HUWE1: variants seen among roughly 807,000 people sequenced by gnomAD.
HUWE1 encodes E3 ubiquitin-protein ligase HUWE1.
Under a neutral mutation model 299.4 loss-of-function variants are expected in HUWE1, and 18 were observed. The ratio of observed to expected loss-of-function variants is 0.06; its 90% confidence interval spans 0.04 to 0.09. The LOEUF is 0.09. Ranked by LOEUF, HUWE1 falls within the 10% of genes least tolerant of loss-of-function variation. The pLI, the probability that HUWE1 is intolerant of heterozygous loss-of-function variation, is 1.00. For synonymous variants in HUWE1, 1,317 were observed against 1,286.1 expected, an observed-to-expected ratio of 1.02 and a Z score of -0.51; for missense variants, 1,832 against 3,462.3, an observed-to-expected ratio of 0.53 and a Z score of 11.82.
At chrX:53,650,111 T>C (rs1156696686) in intron 4 of HUWE1, among the ~76,000 whole-genome samples, 2 of 112,226 alleles carry the variant, frequency 1.8e-5, no homozygotes, top group Non-Finnish European at 3.8e-5. Flanking sequence ...CCTGGACCTT[T>C]TGCAGAGTCT....
At chrX:53,574,840 A>C (rs1331093142) in intron 46 of HUWE1, among the ~76,000 whole-genome samples, 1 of 112,108 alleles carries the variant, frequency 8.9e-6, no homozygotes, top group African/African-American at 3.3e-5. Context: ...AGCTAGAACA[A>C]TATCACTGGC....
At chrX:53,660,927 CTGAAG>C (rs2068967337) in intron 3 of HUWE1, among the ~76,000 whole-genome samples, 1 of 111,120 alleles carries the variant, frequency 9.0e-6, no homozygotes, top group Non-Finnish European at 1.9e-5. Flanking sequence ...AGATAGAAAA[CTGAAG>C]TAAGAGAGAA....
At chrX:53,600,362 T>C in intron 28 of HUWE1, 53 bp from the exon 29 acceptor site, 1 of 925,884 alleles carries the variant, frequency 1.1e-6, no homozygotes, top group South Asian at 2.2e-5. Context: ...AACATTTACC[T>C]GGTTCCTTGA....
intron 12 of HUWE1, among the ~76,000 whole-genome samples, chrX:53,630,063 ATG>A (rs1398133590): frequency 1.8e-5 from 2 of 112,509 alleles, no homozygotes; most frequent in Middle Eastern, 4.6e-3. Context: ...AAACTTCAGA[ATG>A]TGTGTAATTC....
intron 3 of HUWE1, among the ~76,000 whole-genome samples, chrX:53,671,755 C>A (rs886786666): frequency 6.4e-5 from 6 of 93,680 alleles, no homozygotes; most frequent in Non-Finnish European, 1.0e-4. Context: ...GATCGCGCCA[C>A]TGCACTCCGA....
intron 7 of HUWE1, among the ~76,000 whole-genome samples, chrX:53,637,008 T>G (rs1211325924): frequency 8.9e-6 from 1 of 112,483 alleles, no homozygotes; most frequent in Non-Finnish European, 1.9e-5. Flanking sequence ...CAGTTATACT[T>G]TCTTTCAATG....
At chrX:53,554,361 GT>G (rs2061905004) in intron 61 of HUWE1, among the ~76,000 whole-genome samples, 1 of 110,344 alleles carries the variant, frequency 9.1e-6, no homozygotes, top group South Asian at 3.9e-4. Flanking sequence ...CTGGAGAGTT[GT>G]TTTTAAATAA....
intron 3 of HUWE1, among the ~76,000 whole-genome samples, chrX:53,664,285 A>T (rs2069146449): frequency 8.9e-6 from 1 of 111,876 alleles, no homozygotes; most frequent in Non-Finnish European, 1.9e-5. Flanking sequence ...GTCCTGAGTT[A>T]AAACAATCCT....
At chrX:53,686,211 C>G (rs1557055599) in intron 2 of HUWE1, 59 bp downstream of exon 2, 1 of 113,207 alleles carries the variant, frequency 8.8e-6, no homozygotes, top group African/African-American at 3.2e-5. Context: ...GTGAGAAACG[C>G]TGAAGGCCCG....
At chrX:53,622,356 C>T (rs7050980) in intron 19 of HUWE1, among the ~76,000 whole-genome samples, 13,032 of 111,392 alleles carry the variant, frequency 0.12, 1,896 homozygotes, top group African/African-American at 0.41. Flanking sequence ...TTCCCTTCTA[C>T]CCATACAAGC....
At chrX:53,647,341 G>A (rs1557036710) in intron 6 of HUWE1, 27 bp downstream of exon 6, 12 of 1,062,871 alleles carry the variant, frequency 1.1e-5, no homozygotes, top group Non-Finnish European at 2.6e-6. Flanking sequence ...GTCAAGAACA[G>A]GGTACACAGG....
rs1249480724 is a variant in HUWE1 at position 53,549,080 on chromosome X, C to T, written c.9914G>A (p.Arg3305His). 3 of 1,209,975 alleles carry T rather than the reference C, an allele frequency of 2.5e-6. No homozygotes were observed. Among genetic ancestry groups the T allele is most frequent in the Non-Finnish European group, 3.4e-6 (3 of 895,021 alleles). Residue 3305 changes from arginine to histidine, a missense_variant, in exon 67 of 84, where the codon CGT becomes CAT. Physicochemically the swap from Arg to His is conservative, Grantham distance 29. Transcript: ENST00000262854. The part of the protein sequence containing the change: ...GCRTNIFQIQ[R>H]SGGRKHTEKH... ...CTCGGTATGTTTACGCCCCCCTGAA[C>T]GCTGGATCTGAAATATATTAGTCCT...
In HUWE1 at chrX:53,547,760, G is replaced by A; in HGVS notation, c.10549C>T (p.Leu3517=). The change falls in exon 68 of 84, where the codon CTG becomes TTG. Residue 3517 remains leucine (L), a synonymous_variant. Transcript: ENST00000262854. ...APTPVTSAPA[L]VAATAISTIV... is the part of the protein sequence containing the mutation. Reference sequence around the variant, plus strand: ...GTGGAAATAGCCGTGGCAGCAACCAGGGCTGGAGCAGAAGTGACAGGGGTG... The same window carrying A: ...GTGGAAATAGCCGTGGCAGCAACCAAGGCTGGAGCAGAAGTGACAGGGGTG... 8.3e-7 allele frequency: 1 copy of A among 1,204,587 alleles called. No homozygotes were observed. Among genetic ancestry groups the A allele is most frequent in the Non-Finnish European group, 1.1e-6 (1 of 891,067 alleles).
chrX:53,647,625 TGGG>T, intron 5 of HUWE1, 51 bp from the exon 6 acceptor site: 1 of 919,829 alleles, frequency 1.1e-6, no homozygotes, highest in Non-Finnish European at 1.6e-6. Context: ...AAGCGCCGCA[TGGG>T]TGCTTTCTAA....
intron 74 of HUWE1, among the ~76,000 whole-genome samples, chrX:53,541,059 A>G (rs1249159633): frequency 8.9e-6 from 1 of 112,319 alleles, no homozygotes; most frequent in African/African-American, 3.2e-5. Flanking sequence ...TTGTCCTACA[A>G]GAATACTATT....
intron 57 of HUWE1, 132 bp from the exon 58 acceptor site, chrX:53,559,192 T>C (rs2062171507): frequency 2.7e-6 from 2 of 754,398 alleles, no homozygotes; most frequent in African/African-American, 4.2e-5. Context: ...AACAAGTACC[T>C]AGAGACAATA....
At chrX:53,604,089 T>A (rs2065032342) in intron 26 of HUWE1, among the ~76,000 whole-genome samples, 1 of 111,985 alleles carries the variant, frequency 8.9e-6, no homozygotes. Context: ...TTGTTTAATG[T>A]TGATACCATA....
rs2063732692 is a variant in HUWE1 at position 53,583,718 on chromosome X, C to T, written c.5360G>A (p.Arg1787Gln). Residue 1787 changes from arginine (R) to glutamine (Q), a missense_variant, in exon 42 of 84, where the codon CGG becomes CAG. By Grantham distance (43) the Arg-to-Gln change is conservative. Around this residue, in one of 15 missense-constraint regions of HUWE1, gnomAD observed 50 missense variants for 114.9 expected, o/e 0.44. Coordinates refer to ENST00000262854, the MANE Select transcript of HUWE1 (RefSeq NM_031407.7). ...ATLRLCLRLT[R>Q]DHKYAMMFAE... The stretch of plus-strand genomic sequence containing the variant: ...AAACATCATGGCATATTTGTGGTCC[C>T]GGGTGAGCCTCAGACAGAGACGAAG... The T allele has an allele frequency of 1.7e-6, 2 of 1,210,930 alleles. No individual in the cohort carries two copies.
intron 8 of HUWE1, among the ~76,000 whole-genome samples, chrX:53,633,254 T>C (rs782317411): frequency 1.8e-5 from 2 of 112,399 alleles, no homozygotes; most frequent in African/African-American, 6.5e-5. Context: ...CTTGCAGTGG[T>C]TGCCTCTGGA....
Sources: gnomAD v4.1 joint callset for allele counts (sites outside exome capture counted in the v4.1 genomes callset) on GRCh38, gnomAD v4.1.1 for gene constraint, gnomAD v4.1.1 regional missense constraint, MANE v1.5 for transcripts, NCBI Gene and HGNC (gene_info 2026-07-23, HGNC 2026-07-21) for gene names.